Variants in PRDX3 observed in about 807,000 individuals in gnomAD.
The protein encoded by PRDX3 is peroxiredoxin 3.
PRDX3 carries 20 observed loss-of-function variants against 30.4 expected under a neutral mutation model. The ratio of observed to expected loss-of-function variants is 0.66; its 90% CI spans 0.46 to 0.96. PRDX3 has a LOEUF of 0.96. Ranked by LOEUF, PRDX3 falls within the 40% of genes least tolerant of loss-of-function variation. The pLI, the probability that PRDX3 is intolerant of heterozygous loss-of-function variation, is 0.00. For synonymous variants in PRDX3, 124 were observed against 117.8 expected (o/e 1.05, Z -0.34); for missense variants, 322 against 318.3 (o/e 1.01, Z -0.09).
Position 119,173,767 on chromosome 10 carries a change from G to T in PRDX3, c.417C>A (p.Ser139Arg). 6.2e-7 allele frequency: 1 copy of T among 1,612,324 alleles called. No individual in the cohort carries two copies. The highest frequency in any genetic ancestry group is 8.5e-7 in the Non-Finnish European group (1 of 1,179,890). Reference protein sequence around the residue: ...VVAVSVDSHFSHLAWINTPRK... With the variant: ...VVAVSVDSHFRHLAWINTPRK... ...TTGGTGTATTTATCCAGGCAAGATG[G>T]CTAAAGTGGGAATCCACTGAGACTG... is the stretch of plus-strand genomic sequence containing the variant. The change falls in exon 4 of 7, where the codon AGC becomes AGA. Residue 139 changes from serine to arginine, a missense_variant. Ser to Arg is a moderately radical substitution (Grantham distance 110). Transcript: ENST00000298510.
At chr10:119,172,275 C>A in intron 5 of PRDX3, 107 bp downstream of exon 5, 1 of 978,348 alleles carries the variant, frequency 1.0e-6, no homozygotes, top group Non-Finnish European at 1.6e-6. Flanking sequence ...CAGCCAGGAT[C>A]TTCTGGTTTT....
rs1589662375 is a variant in PRDX3, at chr10:119,172,421, T to C, written c.512A>G (p.Asp171Gly). The C allele has an allele frequency of 1.9e-6, 3 of 1,614,110 alleles. No individual in the cohort carries two copies. Among genetic ancestry groups the C allele is most frequent in the East Asian group, 4.5e-5 (2 of 44,888 alleles). Residue 171 changes from aspartate (D) to glycine (G), a missense_variant, in exon 5 of 7, where the codon GAC becomes GGC. Coordinates refer to ENST00000298510, the MANE Select transcript of PRDX3 (RefSeq NM_006793.5). ...LSDLTKQISR[D>G]YGVLLEGSGL... ...AGAACCTTCTAACAGCACACCGTAGTCTCGGGAAATCTGCTTAGTTAAGTC... is the reference window on the plus strand; with the variant it reads ...AGAACCTTCTAACAGCACACCGTAGCCTCGGGAAATCTGCTTAGTTAAGTC...
intron 4 of PRDX3, among the ~76,000 whole-genome samples, chr10:119,172,867 G>A (rs1467755807): frequency 6.6e-6 from 1 of 152,154 alleles, no homozygotes; most frequent in East Asian, 1.9e-4. Context: ...CTGGGCTCAT[G>A]CAATCATCCT....
At chr10:119,178,660 G>T in intron 1 of PRDX3, 95 bp downstream of exon 1, 1 of 1,414,356 alleles carries the variant, frequency 7.1e-7, no homozygotes, top group South Asian at 1.2e-5. Context: ...AAGGGCGAAT[G>T]GCCCTCATGC....
intron 2 of PRDX3, among the ~76,000 whole-genome samples, chr10:119,175,096 C>G (rs974068114): frequency 4.6e-5 from 7 of 152,110 alleles, no homozygotes; most frequent in African/African-American, 1.7e-4. Flanking sequence ...AATTCAATTC[C>G]AACTGCTACA....
chr10:119,170,489 T>G (rs1406191883), intron 5 of PRDX3: 1 of 152,020 alleles, frequency 6.6e-6, no homozygotes, highest in Non-Finnish European at 1.5e-5. Context: ...ATTAGTGAGT[T>G]CTCATAGGGA....
rs749047567 is a variant in PRDX3 at position 119,169,201 on chromosome 10, C to T, written c.693G>A (p.Ala231=). The T allele has an allele frequency of 3.7e-6, 6 of 1,612,462 alleles. No homozygotes were observed. Among genetic ancestry groups the T allele is most frequent in the African/African-American group, 1.3e-5 (1 of 74,952 alleles). ...YVETHGEVCP[A]NWTPDSPTIK... ...CCGTAGGAGAATCCGGTGTCCAGTTCGCTGGGCAGACTTCTCCATGTGTTT... is the reference window on the plus strand; with the variant it reads ...CCGTAGGAGAATCCGGTGTCCAGTTTGCTGGGCAGACTTCTCCATGTGTTT... The change falls in exon 6 of 7, where the codon GCG becomes GCA. Residue 231 remains alanine, a synonymous_variant. Coordinates refer to ENST00000298510, the MANE Select transcript of PRDX3 (RefSeq NM_006793.5).
chr10:119,169,089 G>C (rs1387608175), intron 6 of PRDX3, 88 bp downstream of exon 6: 2 of 1,419,734 alleles, frequency 1.4e-6, no homozygotes, highest in Non-Finnish European at 9.7e-7. Context: ...TGCTTCAAGA[G>C]TGGGCTCCCT....
chr10:119,169,442 A>AT, intron 5 of PRDX3, 100 bp from the exon 6 acceptor site: 4 of 1,021,700 alleles, frequency 3.9e-6, no homozygotes, highest in Non-Finnish European at 5.6e-6. Context: ...TTAATAAAAT[A>AT]TTTATTAAGC....
chr10:119,177,411 G>C (rs1366580321), intron 1 of PRDX3, among the ~76,000 whole-genome samples: 1 of 152,174 alleles, frequency 6.6e-6, no homozygotes, highest in African/African-American at 2.4e-5. Flanking sequence ...TGTAATCCCA[G>C]CACTTTGGGA....
intron 6 of PRDX3, 63 bp from the exon 7 acceptor site, chr10:119,168,596 A>G: frequency 1.3e-6 from 2 of 1,584,230 alleles, no homozygotes; most frequent in Non-Finnish European, 8.5e-7. Context: ...CCCAAAAGTG[A>G]GTGGCAATCT....
rs530672879 is a variant in PRDX3 at position 119,171,029 on chromosome 10, C to T, written c.551+1353G>A. 142 of 155,500 alleles carry T rather than the reference C, an allele frequency of 9.1e-4. 2 individuals are homozygous for T. Among genetic ancestry groups the T allele is most frequent in the Non-Finnish European group, 1.7e-3 (120 of 71,164 alleles). The allele number at this position is 155,500 out of a possible 1,614,324, so 9.6% of individuals were successfully genotyped here. A position where few individuals can be genotyped will look rare whatever the true frequency, so the allele number is the denominator to read the frequency against. On this transcript the variant is annotated intron_variant, in intron 5 of 6. Transcript: ENST00000298510. The stretch of plus-strand genomic sequence containing the variant: ...CCTACAAGACAGGCAGGTGAGCTGG[C>T]TTTGTTTGTTTGTTTGTTTGTTTGC...
chr10:119,172,582 T>A, intron 4 of PRDX3, 97 bp from the exon 5 acceptor site: 1 of 1,012,880 alleles, frequency 9.9e-7, no homozygotes, highest in Non-Finnish European at 1.6e-6. Context: ...CGGCGATAGG[T>A]AACAGTAATT....
chr10:119,178,631 C>T (rs978477218), intron 1 of PRDX3, 124 bp downstream of exon 1: 140 of 1,243,536 alleles, frequency 1.1e-4, no homozygotes, highest in Non-Finnish European at 1.5e-4. Flanking sequence ...GGGTCCGTTA[C>T]CCGCGGAAAC....
At chr10:119,173,344 T>C (rs976452962) in intron 4 of PRDX3, among the ~76,000 whole-genome samples, 3 of 152,154 alleles carry the variant, frequency 2.0e-5, no homozygotes, top group African/African-American at 7.2e-5. Context: ...GTGTGGTGGC[T>C]CATGCCTGTA....
In PRDX3 at chr10:119,177,052, A is replaced by G; in HGVS notation, c.138T>C (p.Ser46=). The change falls in exon 2 of 7, where the codon TCT becomes TCC. Residue 46 remains serine (S), a synonymous_variant. Transcript: ENST00000298510. ...TGAATAATTTTGCTTGACTGGAACC[A>G]GAACACAATAAATTTGTCAAGCTCG... ...GRTSLTNLLC[S]GSSQAKLFST... The G allele has an allele frequency of 3.7e-6, 6 of 1,614,168 alleles. No individual in the cohort carries two copies. The highest frequency in any genetic ancestry group is 4.2e-6 in the Non-Finnish European group (5 of 1,179,974).
Position 119,168,459 on chromosome 10 carries a change from G to T in PRDX3, c.*21C>A, listed in dbSNP as rs759356949. 6.2e-7 allele frequency: 1 copy of T among 1,613,100 alleles called. No homozygotes were observed. Among genetic ancestry groups the T allele is most frequent in the South Asian group, 1.1e-5 (1 of 90,984 alleles). ...TGTGGTTCTTCTCTCAGTTGAGAAG[G>T]TGCAGATACACATGGGTGATCTACT... On this transcript the variant is annotated 3_prime_UTR_variant, in exon 7 of 7. Transcript: ENST00000298510.
At chr10:119,173,482 G>T (rs535508871) in intron 4 of PRDX3, among the ~76,000 whole-genome samples, 113 of 152,082 alleles carry the variant, frequency 7.4e-4, no homozygotes, top group Non-Finnish European at 1.1e-3. Flanking sequence ...GGTGACACAT[G>T]CCTGTAATCC....
intron 5 of PRDX3, 109 bp from the exon 6 acceptor site, chr10:119,169,451 G>A: frequency 1.0e-6 from 1 of 960,496 alleles, no homozygotes; most frequent in Non-Finnish European, 1.5e-6. Context: ...TATTTATTAA[G>A]CGTAATCATA....
Sources: allele counts gnomAD v4.1 joint callset (sites outside exome capture counted in the v4.1 genomes callset), GRCh38; gene constraint gnomAD v4.1.1; transcripts MANE v1.5; gene names NCBI Gene and HGNC (gene_info 2026-07-23, HGNC 2026-07-21).